Variants in CFAP61 observed in about 807,000 individuals in gnomAD.
The protein encoded by CFAP61 is cilia- and flagella-associated protein 61.
CFAP61 carries 107 observed loss-of-function variants against 135.6 expected under a neutral mutation model. The observed-to-expected ratio is 0.79, with a 90% CI of 0.67 to 0.93. The LOEUF (loss-of-function observed/expected upper bound fraction) is 0.93, where lower values mean the gene tolerates loss of function less well. CFAP61 is among the 40% of genes least tolerant of loss of function. The pLI is 0.00. For missense variants in CFAP61, 1,507 were observed against 1,556.2 expected (o/e 0.97, Z 0.53); for synonymous variants, 575 against 578.5 (o/e 0.99, Z 0.09).
intron 6 of CFAP61, among the ~76,000 whole-genome samples, chr20:20,079,656 T>G (rs2046298994): frequency 1.3e-5 from 2 of 152,180 alleles, no homozygotes. Flanking sequence ...GCAGATGAAC[T>G]TCAGATACAT....
intron 23 of CFAP61, 138 bp from the exon 24 acceptor site, chr20:20,290,162 G>A (rs1038636898): frequency 1.9e-5 from 12 of 648,446 alleles, no homozygotes; most frequent in African/African-American, 1.8e-4. Flanking sequence ...GTTCCTTGTT[G>A]TTAGTGGTAC....
chr20:20,120,190 G>A (rs571384275), intron 8 of CFAP61, among the ~76,000 whole-genome samples: 1 of 152,120 alleles, frequency 6.6e-6, no homozygotes, highest in East Asian at 1.9e-4. Context: ...TGTTTTGTTT[G>A]CTCTTGCTTT....
At chr20:20,177,408 T>C (rs998590056) in intron 13 of CFAP61, among the ~76,000 whole-genome samples, 2 of 152,104 alleles carry the variant, frequency 1.3e-5, no homozygotes, top group African/African-American at 4.8e-5. Flanking sequence ...TTAGGGTTTG[T>C]ATCTCCAGGG....
intron 25 of CFAP61, among the ~76,000 whole-genome samples, chr20:20,321,112 C>A (rs2057489347): frequency 6.6e-6 from 1 of 151,812 alleles, no homozygotes; most frequent in South Asian, 2.1e-4. Flanking sequence ...AATGTAATCA[C>A]AGAATTCAAA....
intron 26 of CFAP61, among the ~76,000 whole-genome samples, chr20:20,346,878 A>G (rs2058653614): frequency 6.6e-6 from 1 of 152,228 alleles, no homozygotes; most frequent in Non-Finnish European, 1.5e-5. Context: ...AAGGAAATAG[A>G]TGACTTCAAT....
chr20:20,335,643 ACTCT>A, intron 25 of CFAP61, among the ~76,000 whole-genome samples: 1 of 152,204 alleles, frequency 6.6e-6, no homozygotes. Context: ...CTATGAATGT[ACTCT>A]GCTCTGATGT....
intron 18 of CFAP61, among the ~76,000 whole-genome samples, chr20:20,242,587 AC>A (rs2050096974): frequency 6.6e-6 from 1 of 152,164 alleles, no homozygotes; most frequent in East Asian, 1.9e-4. Flanking sequence ...CAAATTACTT[AC>A]CATTTCCAAC....
At chr20:20,175,435 T>C (rs989371964) in intron 13 of CFAP61, among the ~76,000 whole-genome samples, 2 of 151,908 alleles carry the variant, frequency 1.3e-5, no homozygotes, top group African/African-American at 4.8e-5. Flanking sequence ...CAGTTGACTT[T>C]CATGCACGTT....
At chr20:20,203,171 T>C (rs887475772) in intron 17 of CFAP61, among the ~76,000 whole-genome samples, 2 of 152,024 alleles carry the variant, frequency 1.3e-5, no homozygotes, top group Non-Finnish European at 2.9e-5. Context: ...CCGCAGCAGG[T>C]CATAAAAAAG....
intron 8 of CFAP61, among the ~76,000 whole-genome samples, chr20:20,116,174 A>G (rs190610553): frequency 2.7e-4 from 41 of 152,294 alleles, no homozygotes; most frequent in Non-Finnish European, 3.2e-4. Flanking sequence ...TTTGATTTGC[A>G]TCTCTGTGAT....
chr20:20,338,360 T>C (rs1263837404), intron 25 of CFAP61, among the ~76,000 whole-genome samples: 2 of 152,192 alleles, frequency 1.3e-5, no homozygotes, highest in African/African-American at 4.8e-5. Context: ...AGCAGCCCTC[T>C]CTGTAGGCGT....
At chr20:20,106,035 T>C (rs1310217290) in intron 8 of CFAP61, among the ~76,000 whole-genome samples, 20 of 63,648 alleles carry the variant, frequency 3.1e-4, no homozygotes, top group East Asian at 6.2e-4. Context: ...TATATATATA[T>C]ATATATATAT....
chr20:20,286,509 C>T (rs1375967012), intron 22 of CFAP61, among the ~76,000 whole-genome samples: 1 of 152,236 alleles, frequency 6.6e-6, no homozygotes, highest in African/African-American at 2.4e-5. Flanking sequence ...CACCCTTCTC[C>T]CTAGCTAACC....
chr20:20,244,115 A>G (rs2050241204), intron 18 of CFAP61, among the ~76,000 whole-genome samples: 1 of 152,078 alleles, frequency 6.6e-6, no homozygotes, highest in Admixed American at 6.5e-5. Flanking sequence ...GGCTGTTTTC[A>G]TGGGCTGGCA....
At chr20:20,229,690 A>T (rs2048992954) in intron 18 of CFAP61, among the ~76,000 whole-genome samples, 1 of 152,208 alleles carries the variant, frequency 6.6e-6, no homozygotes, top group Non-Finnish European at 1.5e-5. Context: ...TTAACCAGAT[A>T]AAAAAAGAAT....
intron 23 of CFAP61, among the ~76,000 whole-genome samples, chr20:20,289,458 C>T (rs962659088): frequency 1.3e-5 from 2 of 152,176 alleles, no homozygotes; most frequent in African/African-American, 2.4e-5. Flanking sequence ...GGTTCCTTCA[C>T]GTTTAGGGTA....
At chr20:20,304,106 C>G (rs1215731828) in intron 25 of CFAP61, among the ~76,000 whole-genome samples, 1 of 152,136 alleles carries the variant, frequency 6.6e-6, no homozygotes, top group Non-Finnish European at 1.5e-5. Context: ...CTGTCAGCCG[C>G]CATGATGCAC....
At chr20:20,086,055 T>C (rs1444883117) in intron 6 of CFAP61, among the ~76,000 whole-genome samples, 1 of 152,174 alleles carries the variant, frequency 6.6e-6, no homozygotes, top group Non-Finnish European at 1.5e-5. Flanking sequence ...CAGGCTTTAG[T>C]GCGTCATCTG....
chr20:20,320,410 G>A lies in CFAP61; in HGVS notation c.3423-21421G>A, dbSNP rs796959837. On this transcript the variant is annotated intron_variant, in intron 25 of 26. Coordinates refer to ENST00000245957, the MANE Select transcript of CFAP61 (RefSeq NM_015585.4). ...AATATATATAATATATGTAATATAT[G>A]TAATATATATTATATATGTAATATA... Among the ~76,000 whole-genome samples, 115 of 50,832 alleles carry A rather than the reference G, an allele frequency of 2.3e-3. 7 individuals carry two copies. The highest frequency in any genetic ancestry group is 6.7e-3 in the African/African-American group (55 of 8,154). 33.3% of individuals were successfully genotyped at this position (50,832 alleles called of 152,430 possible).
Sources: gnomAD v4.1 joint callset for allele counts (sites outside exome capture counted in the v4.1 genomes callset) on GRCh38, gnomAD v4.1.1 for gene constraint, MANE v1.5 for transcripts, NCBI Gene and HGNC (gene_info 2026-07-23, HGNC 2026-07-21) for gene names.